GABRG3: variants seen among roughly 807,000 people sequenced by gnomAD.
GABRG3 encodes the protein gamma-aminobutyric acid receptor subunit gamma-3.
In GABRG3, 25 loss-of-function variants were observed where a neutral mutation model predicts 48.8. The ratio of observed to expected loss-of-function variants is 0.51; its 90% CI spans 0.37 to 0.72. The LOEUF (loss-of-function observed/expected upper bound fraction) is 0.72, where lower values mean the gene tolerates loss of function less well. Among genes scored for constraint, GABRG3 ranks in the 30% least tolerant of loss-of-function variants. GABRG3 has a pLI of 0.00. For missense variants in GABRG3, 394 were observed against 577.9 expected, an observed-to-expected ratio of 0.68 and a Z score of 3.26; for synonymous variants, 227 against 217.6, an observed-to-expected ratio of 1.04 and a Z score of -0.38.
intron 5 of GABRG3, among the ~76,000 whole-genome samples, chr15:27,396,440 C>T (rs1887299503): frequency 6.6e-6 from 1 of 152,142 alleles, no homozygotes; most frequent in Non-Finnish European, 1.5e-5. Context: ...TGAATTAAAA[C>T]TAGATTGCAG....
intron 3 of GABRG3, among the ~76,000 whole-genome samples, chr15:27,308,693 A>T (rs1566774909): frequency 6.7e-6 from 1 of 149,190 alleles, no homozygotes; most frequent in Non-Finnish European, 1.5e-5. Flanking sequence ...GTATAAACAT[A>T]TAATGTAAAC....
chr15:27,076,428 A>T (rs766439119), intron 3 of GABRG3, among the ~76,000 whole-genome samples: 1 of 148,160 alleles, frequency 6.7e-6, no homozygotes, highest in Non-Finnish European at 1.5e-5. Context: ...GGTTCAAGCG[A>T]TTCTCCTGCC....
At position 27,352,842 on chromosome 15, in the gene GABRG3, T is replaced by TG. The variant is rs984152245; in HGVS notation, c.574+23960dup. ...TAGCAACACCTAACTCATAGGACTA[T>TG]GGGGGGCGTAAAATAAGACTCCAGC... On this transcript the variant is annotated intron_variant, in intron 5 of 9. Transcript: ENST00000615808. The surrounding 1 kb of genome is among the most constrained non-coding windows in gnomAD (Gnocchi z 4.0). Among the ~76,000 whole-genome samples, 2 of 151,998 alleles carry TG rather than the reference T, an allele frequency of 1.3e-5. No homozygotes were observed. Among genetic ancestry groups the TG allele is most frequent in the East Asian group, 1.9e-4 (1 of 5,178 alleles).
chr15:27,068,216 G>A lies in GABRG3; in HGVS notation c.270+41395G>A, dbSNP rs1049629917. 7.4e-4 allele frequency among the ~76,000 whole-genome samples: 112 copies of A among 152,216 alleles called. 1 individual carries two copies. The highest frequency in any genetic ancestry group is 2.7e-3 in the African/African-American group (110 of 41,466). ...CACTGAAACATCACCCGAGGAAGGT[G>A]CTGGTGGAAGCTGCTGGCTGCGAAG... is the stretch of plus-strand genomic sequence containing the variant. On this transcript the variant is annotated intron_variant, in intron 3 of 9. Coordinates refer to ENST00000615808, the MANE Select transcript of GABRG3 (RefSeq NM_033223.5).
chr15:27,495,927 T>C lies in GABRG3; in HGVS notation c.712+15140T>C, dbSNP rs1407527522. Among the ~76,000 whole-genome samples the C allele has an allele frequency of 3.9e-5, 6 of 152,340 alleles. No individual in the cohort carries two copies. In the East Asian group the frequency reaches 1.2e-3, roughly 29 times the overall value. On this transcript the variant is annotated intron_variant, in intron 6 of 9. Coordinates refer to ENST00000615808, the MANE Select transcript of GABRG3 (RefSeq NM_033223.5). Reference sequence around the variant, plus strand: ...TTTACTATTAGGCTCTGAATCTTTCTAAAATGTTGTATGAAGCCTCTTTTG... The same window carrying C: ...TTTACTATTAGGCTCTGAATCTTTCCAAAATGTTGTATGAAGCCTCTTTTG...
chr15:27,055,954 G>A (rs1343879070), intron 3 of GABRG3, among the ~76,000 whole-genome samples: 1 of 152,170 alleles, frequency 6.6e-6, no homozygotes, highest in Non-Finnish European at 1.5e-5. Context: ...GAGGTACAAT[G>A]TGACACTTTG....
intron 3 of GABRG3, among the ~76,000 whole-genome samples, chr15:27,156,992 A>G (rs545759147): frequency 6.6e-6 from 1 of 152,328 alleles, no homozygotes; most frequent in Non-Finnish European, 1.5e-5. Context: ...ATTTTCTAAA[A>G]GCAGAGTTGC....
chr15:27,525,629 C>T (rs907871560), intron 7 of GABRG3, among the ~76,000 whole-genome samples: 1 of 152,164 alleles, frequency 6.6e-6, no homozygotes, highest in Non-Finnish European at 1.5e-5. Flanking sequence ...AAATTACAGA[C>T]ACAAACAGTT....
Position 27,260,951 on chromosome 15 carries a change from C to T in GABRG3, c.271-65858C>T, listed in dbSNP as rs78556850. Among the ~76,000 whole-genome samples, 1,113 of 152,174 alleles carry T rather than the reference C, an allele frequency of 7.3e-3. 11 individuals are homozygous for T. The highest frequency in any genetic ancestry group is 0.025 in the African/African-American group (1,020 of 41,512). On this transcript the variant is annotated intron_variant, in intron 3 of 9. Coordinates refer to ENST00000615808, the MANE Select transcript of GABRG3 (RefSeq NM_033223.5). ...ACAGAAAGAGGAAATCACGGGGAAA[C>T]GCACAGGATGCATGGAAATACAAGG...
chr15:27,448,351 A>C (rs1275077112), intron 5 of GABRG3, among the ~76,000 whole-genome samples: 7 of 152,314 alleles, frequency 4.6e-5, no homozygotes, highest in Non-Finnish European at 7.4e-5. Context: ...TCTGGAAGGC[A>C]CTATTTCCCA....
intron 3 of GABRG3, among the ~76,000 whole-genome samples, chr15:27,242,206 G>A (rs369508499): frequency 2.2e-4 from 33 of 152,318 alleles, no homozygotes; most frequent in African/African-American, 7.7e-4. Flanking sequence ...TTTAGCAACA[G>A]CTCAGATGTG....
At chr15:27,193,766 A>G (rs1486658711) in intron 3 of GABRG3, among the ~76,000 whole-genome samples, 1 of 152,112 alleles carries the variant, frequency 6.6e-6, no homozygotes, top group Non-Finnish European at 1.5e-5. Context: ...AGTGAGATGA[A>G]CCCGGTACCT....
At chr15:27,381,695 G>A (rs1183658198) in intron 5 of GABRG3, among the ~76,000 whole-genome samples, 1 of 152,212 alleles carries the variant, frequency 6.6e-6, no homozygotes, top group Non-Finnish European at 1.5e-5. Flanking sequence ...GAGAATAAGA[G>A]TGAAGACTTT....
intron 2 of GABRG3, among the ~76,000 whole-genome samples, chr15:27,022,184 A>ATAAGTCTGGTTT (rs1895907752): frequency 6.6e-6 from 1 of 152,158 alleles, no homozygotes; most frequent in African/African-American, 2.4e-5. Flanking sequence ...TCATGCTGTC[A>ATAAGTCTGGTTT]TAAGTCTGGT....
intron 2 of GABRG3, among the ~76,000 whole-genome samples, chr15:27,026,040 A>G (rs1895977257): frequency 6.6e-6 from 1 of 152,238 alleles, no homozygotes. Context: ...CTTAAAGCCA[A>G]GTGAGCCAGG....
chr15:27,419,046 C>T (rs1242511460), intron 5 of GABRG3: 3 of 152,200 alleles, frequency 2.0e-5, no homozygotes, highest in Admixed American at 2.0e-4. Context: ...GGTACTGCTC[C>T]TCTCCTAATG....
intron 5 of GABRG3, among the ~76,000 whole-genome samples, chr15:27,396,393 G>A (rs1015890654): frequency 1.1e-4 from 17 of 152,152 alleles, no homozygotes; most frequent in African/African-American, 1.9e-4. Context: ...TCAGATATGT[G>A]TATGAAAATA....
At chr15:27,262,831 C>T (rs996093528) in intron 3 of GABRG3, among the ~76,000 whole-genome samples, 2 of 152,160 alleles carry the variant, frequency 1.3e-5, no homozygotes, top group African/African-American at 4.8e-5. Context: ...TTTTTTAAAT[C>T]AGCAAATAAT....
At chr15:27,233,505 A>C (rs1022918687) in intron 3 of GABRG3, among the ~76,000 whole-genome samples, 1 of 152,056 alleles carries the variant, frequency 6.6e-6, no homozygotes, top group Admixed American at 6.5e-5. Flanking sequence ...CCAGGTGTGC[A>C]GAAGGCCACC....
Sources: allele counts gnomAD v4.1 joint callset (sites outside exome capture counted in the v4.1 genomes callset), GRCh38; gene constraint gnomAD v4.1.1; non-coding constraint Gnocchi (gnomAD v3.1); transcripts MANE v1.5; gene names NCBI Gene and HGNC (gene_info 2026-07-23, HGNC 2026-07-21).